Variants in PTPRD observed in about 807,000 individuals in gnomAD.
PTPRD encodes the protein protein tyrosine phosphatase receptor type D.
A neutral mutation model predicts 214.5 loss-of-function variants in PTPRD; 34 were observed. The ratio of observed to expected loss-of-function variants is 0.16; its 90% CI spans 0.12 to 0.21. The LOEUF (loss-of-function observed/expected upper bound fraction) is 0.21. Ranked by LOEUF, PTPRD falls within the 10% of genes least tolerant of loss-of-function variation. PTPRD has a pLI of 1.00. For synonymous variants in PTPRD, 1,128 were observed against 845.7 expected, an observed-to-expected ratio of 1.33 and a Z score of -5.79; for missense variants, 2,545 against 2,398.7, an observed-to-expected ratio of 1.06 and a Z score of -1.27.
intron 5 of PTPRD, among the ~76,000 whole-genome samples, chr9:9,783,324 T>A (rs1209950970): frequency 6.6e-6 from 1 of 152,144 alleles, no homozygotes; most frequent in African/African-American, 2.4e-5. Flanking sequence ...CTTTCTTGCA[T>A]GAAATATCTG....
intron 10 of PTPRD, among the ~76,000 whole-genome samples, chr9:9,173,691 T>C (rs1243070729): frequency 1.3e-5 from 2 of 152,156 alleles, no homozygotes; most frequent in Non-Finnish European, 2.9e-5. Flanking sequence ...AAAAATATGC[T>C]AGTATGCTCT....
intron 5 of PTPRD, among the ~76,000 whole-genome samples, chr9:9,804,887 C>T (rs1486779920): frequency 6.6e-6 from 1 of 151,284 alleles, no homozygotes; most frequent in Non-Finnish European, 1.5e-5. Context: ...AGAAGAAATT[C>T]CTTGTTAAGT....
intron 2 of PTPRD, among the ~76,000 whole-genome samples, chr9:10,415,834 G>A (rs1371792672): frequency 1.3e-5 from 2 of 151,760 alleles, no homozygotes; most frequent in Non-Finnish European, 2.9e-5. Context: ...AATATCATAA[G>A]GACATTTTTA....
chr9:9,124,319 ACTAT>A (rs761285096), intron 10 of PTPRD, among the ~76,000 whole-genome samples: 39 of 152,260 alleles, frequency 2.6e-4, no homozygotes, highest in African/African-American at 7.0e-4. Context: ...ATTCTTTCTA[ACTAT>A]CTATCTATCT....
chr9:10,025,620 T>C (rs1414155790), intron 4 of PTPRD, among the ~76,000 whole-genome samples: 1 of 152,188 alleles, frequency 6.6e-6, no homozygotes, highest in East Asian at 1.9e-4. Context: ...ACATTTCAAA[T>C]ACGATGCAAA....
intron 3 of PTPRD, among the ~76,000 whole-genome samples, chr9:10,166,062 T>A (rs1812220380): frequency 6.7e-6 from 1 of 149,962 alleles, no homozygotes; most frequent in Non-Finnish European, 1.5e-5. Flanking sequence ...TATGCATATT[T>A]AAATAATGCA....
intron 4 of PTPRD, among the ~76,000 whole-genome samples, chr9:10,028,513 A>G (rs1049853243): frequency 6.6e-6 from 1 of 152,172 alleles, no homozygotes; most frequent in Admixed American, 6.5e-5. Flanking sequence ...GGCTTTGACC[A>G]AAATGCTGAT....
chr9:9,728,166 G>C (rs1448800767), intron 7 of PTPRD, among the ~76,000 whole-genome samples: 1 of 152,080 alleles, frequency 6.6e-6, no homozygotes, highest in Non-Finnish European at 1.5e-5. Context: ...ATGATTGTGA[G>C]ACTCCCCCAG....
chr9:8,483,774 G>A (rs558146760), intron 30 of PTPRD, among the ~76,000 whole-genome samples: 57 of 144,212 alleles, frequency 4.0e-4, no homozygotes, highest in South Asian at 1.7e-3. Flanking sequence ...GCGAGACTCC[G>A]TCTCAAAACA....
At chr9:8,329,137 T>C (rs1276258191) in intron 44 of PTPRD, among the ~76,000 whole-genome samples, 1 of 152,128 alleles carries the variant, frequency 6.6e-6, no homozygotes, top group Non-Finnish European at 1.5e-5. Context: ...TTCAGCCTTT[T>C]TGTGCTGGTT....
intron 2 of PTPRD, among the ~76,000 whole-genome samples, chr9:10,564,171 C>CTGTTTTTTTTTTTTTTTTTTTTTTTTTTT (rs2064911596): frequency 3.4e-5 from 1 of 29,408 alleles, no homozygotes; most frequent in African/African-American, 1.6e-4. Context: ...CTAGGCTATT[C>CTGTTTTTTTTTTTTTTTTTTTTTTTTTTT]TTTTTTTTTT....
chr9:9,557,283 G>C (rs2081773033), intron 8 of PTPRD, among the ~76,000 whole-genome samples: 1 of 152,052 alleles, frequency 6.6e-6, no homozygotes, highest in Non-Finnish European at 1.5e-5. Context: ...TGGAATTCAG[G>C]CACAATTGAT....
intron 8 of PTPRD, among the ~76,000 whole-genome samples, chr9:9,465,500 G>C (rs541028041): frequency 1.4e-4 from 21 of 152,074 alleles, no homozygotes; most frequent in Non-Finnish European, 2.6e-4. Context: ...AAATGGGTGA[G>C]AGCAATATAA....
chr9:10,128,265 T>G (rs983201004), intron 3 of PTPRD, among the ~76,000 whole-genome samples: 1 of 152,166 alleles, frequency 6.6e-6, no homozygotes, highest in Non-Finnish European at 1.5e-5. Flanking sequence ...GAATGTGACA[T>G]AATTTGGAAA....
chr9:9,403,943 G>C (rs962609990), intron 8 of PTPRD, among the ~76,000 whole-genome samples: 4 of 152,062 alleles, frequency 2.6e-5, no homozygotes, highest in Non-Finnish European at 5.9e-5. Context: ...ATTTAGATTG[G>C]ATGGGCAGGC....
chr9:10,601,672 T>C (rs2078012825), intron 2 of PTPRD, among the ~76,000 whole-genome samples: 2 of 151,770 alleles, frequency 1.3e-5, no homozygotes, highest in South Asian at 4.1e-4. Context: ...ATTGCTGATG[T>C]GTTAAATATT....
intron 2 of PTPRD, among the ~76,000 whole-genome samples, chr9:10,471,854 C>G (rs1282245532): frequency 2.0e-5 from 3 of 151,834 alleles, no homozygotes; most frequent in African/African-American, 7.3e-5. Context: ...TATACCTAGA[C>G]CATAATTATT....
At chr9:10,511,558 C>T (rs544371012) in intron 2 of PTPRD, among the ~76,000 whole-genome samples, 1 of 141,170 alleles carries the variant, frequency 7.1e-6, no homozygotes, top group Non-Finnish European at 1.5e-5. Context: ...TGTGCGCCAC[C>T]ACACCCTGGT....
At chr9:9,214,487 T>C (rs2099950858) in intron 9 of PTPRD, among the ~76,000 whole-genome samples, 1 of 151,772 alleles carries the variant, frequency 6.6e-6, no homozygotes, top group South Asian at 2.1e-4. Flanking sequence ...AGGAGGATTT[T>C]TTTTTTTTTT....
Sources: allele counts gnomAD v4.1 joint callset (sites outside exome capture counted in the v4.1 genomes callset), GRCh38; gene constraint gnomAD v4.1.1; transcripts MANE v1.5; gene names NCBI Gene and HGNC (gene_info 2026-07-23, HGNC 2026-07-21).